SBF2: variants seen among roughly 807,000 people sequenced by gnomAD.
The protein encoded by SBF2 is SET binding factor 2, also known as myotubularin-related protein 13.
SBF2 carries 112 observed loss-of-function variants against 225.2 expected under a neutral mutation model. The observed-to-expected ratio is 0.50, with a 90% CI of 0.43 to 0.58. SBF2 has a LOEUF of 0.58. Ranked by LOEUF, SBF2 falls within the 20% of genes least tolerant of loss-of-function variation. The pLI is 0.00. For missense variants in SBF2, 1,996 were observed against 2,206.2 expected, an observed-to-expected ratio of 0.90 and a Z score of 1.91; for synonymous variants, 763 against 773.3, an observed-to-expected ratio of 0.99 and a Z score of 0.22.
At chr11:10,080,335 G>C (rs1213801926) in intron 2 of SBF2, among the ~76,000 whole-genome samples, 2 of 148,710 alleles carry the variant, frequency 1.3e-5, no homozygotes, top group Non-Finnish European at 3.0e-5. Flanking sequence ...TCCTAGACAA[G>C]GAAATGCTGA....
chr11:9,964,433 T>C (rs4910086), intron 14 of SBF2, among the ~76,000 whole-genome samples: 40,563 of 152,150 alleles, frequency 0.27, 5,773 homozygotes, highest in Admixed American at 0.36. Flanking sequence ...TGCAAACTAA[T>C]TCACATTGCA....
At chr11:10,098,134 T>C (rs1032404882) in intron 2 of SBF2, among the ~76,000 whole-genome samples, 1 of 152,092 alleles carries the variant, frequency 6.6e-6, no homozygotes, top group South Asian at 2.1e-4. Context: ...CTCCTGTACA[T>C]GGCACCCTAT....
intron 13 of SBF2, among the ~76,000 whole-genome samples, chr11:9,986,805 G>T (rs1432306762): frequency 6.6e-6 from 1 of 152,006 alleles, no homozygotes; most frequent in Non-Finnish European, 1.5e-5. Context: ...ACAAAAAAAA[G>T]TCGAGGACCA....
intron 2 of SBF2, among the ~76,000 whole-genome samples, chr11:10,121,613 C>A (rs1953454599): frequency 6.6e-6 from 1 of 152,128 alleles, no homozygotes; most frequent in Admixed American, 6.5e-5. Flanking sequence ...TCACCTAAGA[C>A]TGACAATTTT....
intron 27 of SBF2, 45 bp downstream of exon 27, chr11:9,832,179 T>C: frequency 6.5e-7 from 1 of 1,535,564 alleles, no homozygotes; most frequent in African/African-American, 1.4e-5. Flanking sequence ...TTTAGCACTG[T>C]CCTTATGTGA....
intron 2 of SBF2, among the ~76,000 whole-genome samples, chr11:10,158,803 T>TCCC (rs1276103577): frequency 6.6e-6 from 1 of 152,152 alleles, no homozygotes; most frequent in Admixed American, 6.5e-5. Flanking sequence ...TATACCATCA[T>TCCC]CCCCAGTAGG....
chr11:10,041,396 T>C (rs1249856615), intron 3 of SBF2, among the ~76,000 whole-genome samples: 5 of 152,282 alleles, frequency 3.3e-5, no homozygotes, highest in Non-Finnish European at 7.4e-5. Flanking sequence ...TAACTTCAAA[T>C]AGAAGCAACA....
At chr11:10,130,128 C>T (rs112746542) in intron 2 of SBF2, among the ~76,000 whole-genome samples, 5 of 152,194 alleles carry the variant, frequency 3.3e-5, no homozygotes, top group East Asian at 3.9e-4. Context: ...TTTGGGAGGC[C>T]GAGGTGGGCA....
In SBF2 at chr11:9,889,909, A is replaced by AT. The variant is rs1257843841; in HGVS notation, c.1929+6033dup. ...TCTACCTATTTATTTATTTATTTCT[A>AT]TTTTTTATTTTTGAGACGGAGTCTC... is the stretch of plus-strand genomic sequence containing the variant. On this transcript the variant is annotated intron_variant, in intron 17 of 39. Transcript: ENST00000256190. Among the ~76,000 whole-genome samples, 9 of 151,988 alleles carry AT rather than the reference A, an allele frequency of 5.9e-5. No homozygotes were observed. In the East Asian group the frequency reaches 1.7e-3, roughly 29 times the overall value.
chr11:9,788,842 T>C (rs1671167238), intron 35 of SBF2, among the ~76,000 whole-genome samples: 1 of 151,398 alleles, frequency 6.6e-6, no homozygotes, highest in African/African-American at 2.4e-5. Context: ...CCTGACCTTG[T>C]GATCTGCCCG....
At chr11:9,986,549 G>C (rs570378734) in intron 13 of SBF2, among the ~76,000 whole-genome samples, 1 of 151,782 alleles carries the variant, frequency 6.6e-6, no homozygotes, top group Non-Finnish European at 1.5e-5. Flanking sequence ...GATTAACCAA[G>C]AAAAGAAGAC....
At chr11:9,879,437 C>A (rs935359593) in intron 17 of SBF2, among the ~76,000 whole-genome samples, 1 of 152,118 alleles carries the variant, frequency 6.6e-6, no homozygotes, top group East Asian at 1.9e-4. Context: ...TATTAGAGTC[C>A]ACTAAAAACC....
At chr11:9,884,880 C>T (rs1250630826) in intron 17 of SBF2, among the ~76,000 whole-genome samples, 1 of 152,140 alleles carries the variant, frequency 6.6e-6, no homozygotes, top group Non-Finnish European at 1.5e-5. Flanking sequence ...TAAACACATT[C>T]TCAACATTTC....
At chr11:10,099,050 C>CT (rs1383243902) in intron 2 of SBF2, among the ~76,000 whole-genome samples, 1 of 152,064 alleles carries the variant, frequency 6.6e-6, no homozygotes, top group Non-Finnish European at 1.5e-5. Flanking sequence ...CAAAAGGCTT[C>CT]TTTAGATAAA....
At chr11:10,199,979 C>G (rs866131804) in intron 1 of SBF2, among the ~76,000 whole-genome samples, 2 of 152,130 alleles carry the variant, frequency 1.3e-5, no homozygotes, top group Non-Finnish European at 2.9e-5. Context: ...GAATTAAAAG[C>G]AGGATGTTGG....
chr11:10,247,711 T>C (rs575455681), intron 1 of SBF2, among the ~76,000 whole-genome samples: 2 of 151,528 alleles, frequency 1.3e-5, no homozygotes, highest in Admixed American at 1.3e-4. Flanking sequence ...AACAAATGAA[T>C]AAAATAAAAT....
At chr11:9,809,834 C>T (rs578018331) in intron 30 of SBF2, among the ~76,000 whole-genome samples, 4 of 152,230 alleles carry the variant, frequency 2.6e-5, no homozygotes, top group East Asian at 1.9e-4. Flanking sequence ...GCGTGAACCA[C>T]CACGCCTGGC....
chr11:10,251,798 G>A (rs1307153480), intron 1 of SBF2, among the ~76,000 whole-genome samples: 3 of 152,156 alleles, frequency 2.0e-5, no homozygotes, highest in Middle Eastern at 3.4e-3. Flanking sequence ...AGAAATATGC[G>A]ACTGTGAGGA....
At position 10,029,788 on chromosome 11, in the gene SBF2, C is replaced by T; in HGVS notation, c.490G>A (p.Val164Ile). The change falls in exon 5 of 40, where the codon GTC becomes ATC. Residue 164 changes from valine (V) to isoleucine (I), a missense_variant. Physicochemically the swap from Val to Ile is conservative, Grantham distance 29. Transcript: ENST00000256190. The part of the protein sequence containing the change: ...SLIANLCACL[V>I]PAAGGSQKLF... ...ACCTGAGACCCTCCAGCCGCTGGGA[C>T]AAGGCAGGCACAAAGGTTTGCAATT... The T allele has an allele frequency of 2.5e-6, 4 of 1,613,358 alleles. No individual in the cohort carries two copies. Among genetic ancestry groups the T allele is most frequent in the African/African-American group, 2.7e-5 (2 of 75,016 alleles).
Sources: allele counts gnomAD v4.1 joint callset (sites outside exome capture counted in the v4.1 genomes callset), GRCh38; gene constraint gnomAD v4.1.1; transcripts MANE v1.5; gene names NCBI Gene and HGNC (gene_info 2026-07-23, HGNC 2026-07-21).